Variants in NHSL2 observed in about 807,000 individuals in gnomAD.
NHSL2 encodes NHS-like protein 2.
NHSL2 carries 27 observed loss-of-function variants against 53.4 expected under a neutral mutation model. The observed-to-expected ratio is 0.51, with a 90% CI of 0.37 to 0.70. The LOEUF (loss-of-function observed/expected upper bound fraction) is 0.70. Among genes scored for constraint, NHSL2 ranks in the 30% least tolerant of loss-of-function variants. NHSL2 has a pLI of 0.00. For synonymous variants in NHSL2, 408 were observed against 404.1 expected, an observed-to-expected ratio of 1.01 and a Z score of -0.12; for missense variants, 892 against 980.1, an observed-to-expected ratio of 0.91 and a Z score of 1.20.
At chrX:71,915,971 T>C (rs971433652) in intron 1 of NHSL2, among the ~76,000 whole-genome samples, 4 of 111,921 alleles carry the variant, frequency 3.6e-5, no homozygotes, top group South Asian at 3.8e-4. Context: ...CTTTCTCATA[T>C]AGAGAATATA....
intron 1 of NHSL2, among the ~76,000 whole-genome samples, chrX:71,973,993 G>GT (rs2041937484): frequency 8.9e-6 from 1 of 112,005 alleles, no homozygotes; most frequent in Non-Finnish European, 1.9e-5. Context: ...ACTGGAGCAG[G>GT]TCATGGCTCA....
Position 72,038,089 on chromosome X carries a change from G to A in NHSL2, c.281-93990G>A, listed in dbSNP as rs191525768. ...GTATGAGAGTGGGGTCTGGGAGTCT[G>A]GGACCTAGTCACATTTCTTGTCTTT... On this transcript the variant is annotated intron_variant, in intron 1 of 7. Coordinates refer to ENST00000633930, the MANE Select transcript of NHSL2 (RefSeq NM_001013627.3). 2.6e-4 allele frequency among the ~76,000 whole-genome samples: 29 copies of A among 112,231 alleles called. No individual in the cohort carries two copies. In the East Asian group the frequency reaches 7.6e-3, roughly 29 times the overall value.
intron 1 of NHSL2, among the ~76,000 whole-genome samples, chrX:72,073,715 G>T (rs1243746835): frequency 8.9e-6 from 1 of 112,462 alleles, no homozygotes; most frequent in African/African-American, 3.2e-5. Flanking sequence ...CAAGGAAGTT[G>T]TAGAGCCAGG....
chrX:71,935,419 G>T (rs768441973), intron 1 of NHSL2, among the ~76,000 whole-genome samples: 1 of 112,678 alleles, frequency 8.9e-6, no homozygotes, highest in Non-Finnish European at 1.9e-5. Context: ...CAAATGTGCT[G>T]CTGCACCATC....
intron 1 of NHSL2, among the ~76,000 whole-genome samples, chrX:72,021,579 G>A (rs2042160813): frequency 8.9e-6 from 1 of 111,772 alleles, no homozygotes; most frequent in African/African-American, 3.3e-5. Context: ...GTCACACAGT[G>A]AGGAAGTCAG....
intron 1 of NHSL2, among the ~76,000 whole-genome samples, chrX:71,936,603 T>C (rs1256869594): frequency 8.9e-6 from 1 of 112,271 alleles, no homozygotes; most frequent in African/African-American, 3.2e-5. Context: ...GATTTTTGTT[T>C]GCAAGGGAGT....
At chrX:72,088,797 A>G (rs770546110) in intron 1 of NHSL2, among the ~76,000 whole-genome samples, 1 of 112,423 alleles carries the variant, frequency 8.9e-6, no homozygotes, top group Admixed American at 9.4e-5. Flanking sequence ...TCGTCTGGGT[A>G]CCACCTCAAA....
rs999221200 is a variant in NHSL2, at chrX:72,120,222, G to A, written c.281-11857G>A. On this transcript the variant is annotated intron_variant, in intron 1 of 7. Coordinates refer to ENST00000633930, the MANE Select transcript of NHSL2 (RefSeq NM_001013627.3). Reference sequence around the variant, plus strand: ...CAGGGTAATACAGGCCTCATAGAATGAGTTGAGAAGTATTACCTCCTCTAT... The same window carrying A: ...CAGGGTAATACAGGCCTCATAGAATAAGTTGAGAAGTATTACCTCCTCTAT... Among the ~76,000 whole-genome samples the A allele has an allele frequency of 2.7e-5, 3 of 112,178 alleles. No homozygotes were observed. In the Admixed American group the frequency reaches 2.8e-4, roughly 11 times the overall value.
intron 1 of NHSL2, chrX:72,129,903 G>T: frequency 8.3e-7 from 1 of 1,209,675 alleles, no homozygotes; most frequent in East Asian, 3.0e-5. Context: ...GCACAGGGGG[G>T]CGTCTTCGAA....
intron 1 of NHSL2, among the ~76,000 whole-genome samples, chrX:72,113,280 G>A: frequency 9.0e-6 from 1 of 111,608 alleles, no homozygotes; most frequent in Non-Finnish European, 1.9e-5. Context: ...CAGATGGGAG[G>A]TGGGGTTGCT....
intron 1 of NHSL2, among the ~76,000 whole-genome samples, chrX:71,921,840 G>T (rs183568827): frequency 1.6e-3 from 178 of 112,144 alleles, no homozygotes; most frequent in Non-Finnish European, 2.9e-3. Context: ...TCAACGTCTA[G>T]ATCAGACTCT....
chrX:72,067,230 C>G (rs1342718216), intron 1 of NHSL2, among the ~76,000 whole-genome samples: 1 of 111,543 alleles, frequency 9.0e-6, no homozygotes, highest in Non-Finnish European at 1.9e-5. Flanking sequence ...TAGGGGTACA[C>G]AAGTGTGTCC....
Position 72,149,275 on chromosome X carries a change from C to A in NHSL2, c.*5701C>A. ...AAGGTGTTAAGTTTGTTTGGTATTG[C>A]CAGCTCTTAAATACCTGTCTTTACC... is the stretch of plus-strand genomic sequence containing the variant. On this transcript the variant is annotated 3_prime_UTR_variant, in exon 8 of 8. Coordinates refer to ENST00000633930, the MANE Select transcript of NHSL2 (RefSeq NM_001013627.3). 8.9e-6 allele frequency: 1 copy of A among 112,983 alleles called. No individual in the cohort carries two copies. 9.3% of individuals were successfully genotyped at this position (112,983 alleles called of 1,213,427 possible).
At chrX:71,996,666 G>C (rs900150935) in intron 1 of NHSL2, among the ~76,000 whole-genome samples, 3 of 112,568 alleles carry the variant, frequency 2.7e-5, no homozygotes, top group Non-Finnish European at 5.6e-5. Flanking sequence ...TTGAGTCTCA[G>C]AGGGGTTAAG....
At chrX:72,023,830 C>T (rs1416695261) in intron 1 of NHSL2, among the ~76,000 whole-genome samples, 1 of 111,623 alleles carries the variant, frequency 9.0e-6, no homozygotes, top group Non-Finnish European at 1.9e-5. Context: ...GTGGGGAGGC[C>T]GAGGCAGCAG....
chrX:71,940,375 C>T (rs1429019173), intron 1 of NHSL2, among the ~76,000 whole-genome samples: 2 of 111,935 alleles, frequency 1.8e-5, no homozygotes, highest in Non-Finnish European at 3.8e-5. Flanking sequence ...GAAATGGAGA[C>T]AGCAAGTGTA....
At chrX:72,078,656 C>T (rs924755004) in intron 1 of NHSL2, among the ~76,000 whole-genome samples, 2 of 111,968 alleles carry the variant, frequency 1.8e-5, no homozygotes, top group Admixed American at 1.9e-4. Flanking sequence ...CAAGGTCACC[C>T]TCTGAGTGGT....
At chrX:71,919,050 T>C (rs2041643319) in intron 1 of NHSL2, among the ~76,000 whole-genome samples, 1 of 112,351 alleles carries the variant, frequency 8.9e-6, no homozygotes, top group African/African-American at 3.2e-5. Context: ...GAGAAGCCTA[T>C]GCCAAAATGC....
At chrX:72,077,351 A>C (rs1439635731) in intron 1 of NHSL2, among the ~76,000 whole-genome samples, 1 of 110,016 alleles carries the variant, frequency 9.1e-6, no homozygotes, top group African/African-American at 3.3e-5. Context: ...GGCTTGGGGG[A>C]TGGGAGCTGT....
Sources: gnomAD v4.1 joint callset for allele counts (sites outside exome capture counted in the v4.1 genomes callset) on GRCh38, gnomAD v4.1.1 for gene constraint, MANE v1.5 for transcripts, NCBI Gene and HGNC (gene_info 2026-07-23, HGNC 2026-07-21) for gene names.